ZNF616: variants seen among roughly 807,000 people sequenced by gnomAD.
The protein encoded by ZNF616 is zinc finger protein 616.
A neutral mutation model predicts 7.6 loss-of-function variants in ZNF616; 5 were observed. The ratio of observed to expected loss-of-function variants is 0.66; its 90% CI spans 0.34 to 1.38. The LOEUF (loss-of-function observed/expected upper bound fraction) is 1.38. Ranked by LOEUF, ZNF616 falls within the 40% of genes most tolerant of loss-of-function variation. ZNF616 has a pLI of 0.04. For missense variants in ZNF616, 913 were observed against 948.3 expected (o/e 0.96, Z 0.49); for synonymous variants, 319 against 317.2 (o/e 1.01, Z -0.06).
In ZNF616 at chr19:52,115,954, T is replaced by G. The variant is rs773102787; in HGVS notation, c.1210A>C (p.Thr404Pro). The G allele has an allele frequency of 6.2e-7, 1 of 1,614,202 alleles. No individual in the cohort carries two copies. Among genetic ancestry groups the G allele is most frequent in the Non-Finnish European group, 8.5e-7 (1 of 1,180,028 alleles). Residue 404 changes from threonine (T) to proline (P), a missense_variant, in exon 4 of 4, where the codon ACT becomes CCT. Thr to Pro is a conservative substitution (Grantham distance 38, BLOSUM62 -1). Transcript: ENST00000600228. ...SSLAVHRRIHTVEKPCKCNEC... is the reference protein window; with the variant it reads ...SSLAVHRRIHPVEKPCKCNEC... The stretch of plus-strand genomic sequence containing the variant: ...TTGCATTTGCAAGGTTTCTCTACAG[T>G]GTGAATTCGTCGATGCACTGCAAGA...
chr19:52,128,981 C>A (rs2088934055), intron 2 of ZNF616, among the ~76,000 whole-genome samples: 1 of 149,526 alleles, frequency 6.7e-6, no homozygotes, highest in Admixed American at 6.7e-5. Flanking sequence ...TATAATAAAA[C>A]ATTATTTACA....
chr19:52,136,539 G>A (rs1487555659), intron 1 of ZNF616, among the ~76,000 whole-genome samples: 1 of 151,986 alleles, frequency 6.6e-6, no homozygotes, highest in Non-Finnish European at 1.5e-5. Flanking sequence ...ACCACCATAA[G>A]CTGTCACCTC....
chr19:52,132,036 G>A (rs2088964875), intron 1 of ZNF616, among the ~76,000 whole-genome samples: 1 of 152,126 alleles, frequency 6.6e-6, no homozygotes, highest in Non-Finnish European at 1.5e-5. Flanking sequence ...ATCAGGTAGG[G>A]ACGAGGTCTT....
At position 52,115,538 on chromosome 19, in the gene ZNF616, A is replaced by G. The variant is rs1389479225; in HGVS notation, c.1626T>C (p.Ile542=). ...ATTTGTAAGGCTTCTCTCCAGTATG[A>G]ATTCTCCGATGCCTTGCAAAAGCTG... ...DRSAFARHRR[I]HTGEKPYKCK... The change falls in exon 4 of 4, where the codon ATT becomes ATC. Residue 542 remains isoleucine (I), a synonymous_variant. Coordinates refer to ENST00000600228, the MANE Select transcript of ZNF616 (RefSeq NM_178523.5). The G allele has an allele frequency of 6.2e-7, 1 of 1,613,916 alleles. No individual in the cohort carries two copies. Among genetic ancestry groups the G allele is most frequent in the East Asian group, 2.2e-5 (1 of 44,862 alleles).
chr19:52,119,468 G>A (rs1360625025), intron 3 of ZNF616, among the ~76,000 whole-genome samples: 10 of 152,098 alleles, frequency 6.6e-5, no homozygotes, highest in Non-Finnish European at 1.0e-4. Context: ...AGATGAAGGA[G>A]TTATGCAATA....
At chr19:52,134,298 AG>A (rs1204314669) in intron 1 of ZNF616, among the ~76,000 whole-genome samples, 1 of 152,242 alleles carries the variant, frequency 6.6e-6, no homozygotes, top group Non-Finnish European at 1.5e-5. Context: ...ATCTCACATG[AG>A]TGTGAAAACC....
chr19:52,127,884 CAT>C (rs747023344), intron 2 of ZNF616, among the ~76,000 whole-genome samples: 179 of 152,304 alleles, frequency 1.2e-3, no homozygotes, highest in Middle Eastern at 6.8e-3. Context: ...CACAACAGAA[CAT>C]GTACTGAAGA....
In ZNF616 at chr19:52,115,869, G is replaced by A. The variant is rs201006253; in HGVS notation, c.1295C>T (p.Thr432Ile). Residue 432 changes from threonine to isoleucine, a missense_variant, in exon 4 of 4, where the codon ACT (threonine) becomes ATT (isoleucine). Transcript: ENST00000600228. ...ATTGCATTTGTAAGTTTTCTGTCCA[G>A]TATGAATTCTCTGATGCACTGCAAG... The part of the protein sequence containing the change: ...SSLAVHQRIH[T>I]GQKTYKCNKC... The A allele has an allele frequency of 8.7e-6, 14 of 1,613,944 alleles. No homozygotes were observed. Among genetic ancestry groups the A allele is most frequent in the Non-Finnish European group, 1.2e-5 (14 of 1,180,022 alleles).
intron 3 of ZNF616, among the ~76,000 whole-genome samples, 169 bp from the exon 4 acceptor site, chr19:52,117,193 T>C (rs114952885): frequency 0.012 from 1,863 of 152,266 alleles, 36 homozygotes; most frequent in African/African-American, 0.042. Flanking sequence ...TAGAAGTCTA[T>C]AGTAAAGAAA....
intron 1 of ZNF616, among the ~76,000 whole-genome samples, chr19:52,134,568 C>T (rs749188212): frequency 2.0e-4 from 31 of 152,098 alleles, no homozygotes; most frequent in Non-Finnish European, 3.8e-4. Context: ...TGTGGGCAAC[C>T]TGTGGGAGAT....
At chr19:52,124,441 G>A (rs2088889655) in intron 2 of ZNF616, among the ~76,000 whole-genome samples, 1 of 152,220 alleles carries the variant, frequency 6.6e-6, no homozygotes, top group Non-Finnish European at 1.5e-5. Context: ...GATGACCAGA[G>A]CAACAGCAAT....
intron 1 of ZNF616, among the ~76,000 whole-genome samples, chr19:52,134,760 T>A (rs1427787384): frequency 6.6e-6 from 1 of 152,174 alleles, no homozygotes; most frequent in East Asian, 1.9e-4. Context: ...CACCCTGCAA[T>A]TACTAGGCCT....
chr19:52,135,547 G>A (rs957429998), intron 1 of ZNF616, among the ~76,000 whole-genome samples: 2 of 152,082 alleles, frequency 1.3e-5, no homozygotes, highest in Non-Finnish European at 2.9e-5. Flanking sequence ...AGTCACTATG[G>A]AGAGTGCCTG....
At position 52,114,976 on chromosome 19, in the gene ZNF616, A is replaced by G; in HGVS notation, c.2188T>C (p.Phe730Leu). The change falls in exon 4 of 4, where the codon TTT (phenylalanine) becomes CTT (leucine). Residue 730 changes from phenylalanine (F) to leucine (L), a missense_variant. Physicochemically the swap from Phe to Leu is conservative, Grantham distance 22. Transcript: ENST00000600228. ...ATTCTTTGGTGTTTGCTGAGGGAAA[A>G]CAACCGCCCAAAGGCTTTGCCACAT... ...IECGKAFGRL[F>L]SLSKHQRIHS... The G allele has an allele frequency of 6.2e-7, 1 of 1,614,202 alleles. No homozygotes were observed. The highest frequency in any genetic ancestry group is 1.7e-5 in the Admixed American group (1 of 60,028).
chr19:52,123,617 G>C (rs894700893), intron 3 of ZNF616, among the ~76,000 whole-genome samples: 1 of 152,134 alleles, frequency 6.6e-6, no homozygotes, highest in Non-Finnish European at 1.5e-5. Flanking sequence ...GGGCAACAGA[G>C]CAAGAACCTG....
At chr19:52,133,643 T>C (rs1568563287) in intron 1 of ZNF616, among the ~76,000 whole-genome samples, 1 of 152,006 alleles carries the variant, frequency 6.6e-6, no homozygotes, top group Non-Finnish European at 1.5e-5. Flanking sequence ...CTCAGCCTCC[T>C]GCTGGGACTA....
intron 3 of ZNF616, among the ~76,000 whole-genome samples, chr19:52,121,363 C>T (rs1381517496): frequency 6.6e-6 from 1 of 151,918 alleles, no homozygotes; most frequent in Non-Finnish European, 1.5e-5. Flanking sequence ...TAGAGATCAA[C>T]AGCAGAAAAA....
At position 52,116,440 on chromosome 19, in the gene ZNF616, G is replaced by T; in HGVS notation, c.724C>A (p.Gln242Lys). 6.2e-7 allele frequency: 1 copy of T among 1,613,968 alleles called. No individual in the cohort carries two copies. The highest frequency in any genetic ancestry group is 8.5e-7 in the Non-Finnish European group (1 of 1,179,966). The part of the protein sequence containing the change: ...KVVHTRGKSY[Q>K]CDVCGKIFRK... ...AAGATCTTGCCACATACATCACATT[G>T]ATATGATTTCCCTCTTGTATGGACT... Residue 242 changes from glutamine to lysine, a missense_variant, in exon 4 of 4, where the codon CAA becomes AAA. Coordinates refer to ENST00000600228, the MANE Select transcript of ZNF616 (RefSeq NM_178523.5).
intron 2 of ZNF616, among the ~76,000 whole-genome samples, chr19:52,127,415 T>C (rs2088919409): frequency 6.6e-6 from 1 of 152,176 alleles, no homozygotes; most frequent in African/African-American, 2.4e-5. Context: ...ATAATAATTT[T>C]GGAAAGAAAA....
Sources: allele counts gnomAD v4.1 joint callset (sites outside exome capture counted in the v4.1 genomes callset), GRCh38; gene constraint gnomAD v4.1.1; transcripts MANE v1.5; gene names NCBI Gene and HGNC (gene_info 2026-07-23, HGNC 2026-07-21).